The following TENM4 variants were observed in gnomAD, a reference collection of about 807,000 sequenced individuals.
TENM4 encodes teneurin-4.
In TENM4, 82 loss-of-function variants were observed where a neutral mutation model predicts 243.3. That is an observed-to-expected ratio of 0.34 (90% CI 0.28 to 0.40). TENM4 has a LOEUF of 0.40. TENM4 is among the 10% of genes least tolerant of loss of function. The probability of loss-of-function intolerance (pLI) is 1.00; values close to 1 mark genes in which losing one functional copy is unlikely to be tolerated. For synonymous variants in TENM4, 1,412 were observed against 1,456.3 expected, an observed-to-expected ratio of 0.97 and a Z score of 0.69; for missense variants, 3,138 against 3,673.3, an observed-to-expected ratio of 0.85 and a Z score of 3.77.
chr11:79,154,440 C>T (rs1862564738), intron 3 of TENM4, among the ~76,000 whole-genome samples: 1 of 152,164 alleles, frequency 6.6e-6, no homozygotes, highest in African/African-American at 2.4e-5. Flanking sequence ...CTAGGCCCAC[C>T]TCCAACACTG....
chr11:78,966,270 T>A (rs1456568251), intron 6 of TENM4, among the ~76,000 whole-genome samples: 1 of 151,912 alleles, frequency 6.6e-6, no homozygotes, highest in Non-Finnish European at 1.5e-5. Context: ...AAATTAAAAT[T>A]AAAATAAGTA....
intron 3 of TENM4, among the ~76,000 whole-genome samples, chr11:79,178,185 G>C (rs1006891309): frequency 6.6e-6 from 1 of 152,168 alleles, no homozygotes; most frequent in African/African-American, 2.4e-5. Context: ...GTGAAGCAAG[G>C]AATAGAACTA....
At chr11:79,204,945 T>C (rs1863818753) in intron 3 of TENM4, among the ~76,000 whole-genome samples, 1 of 152,188 alleles carries the variant, frequency 6.6e-6, no homozygotes, top group Admixed American at 6.5e-5. Context: ...TTTGAAGATA[T>C]ACCAAACGAT....
intron 2 of TENM4, among the ~76,000 whole-genome samples, chr11:79,258,138 A>G (rs1855731436): frequency 6.6e-6 from 1 of 152,200 alleles, no homozygotes; most frequent in Non-Finnish European, 1.5e-5. Context: ...AGGGTTTTAG[A>G]GTCAGACAAA....
intron 3 of TENM4, among the ~76,000 whole-genome samples, chr11:79,193,477 A>G (rs1187204071): frequency 6.6e-6 from 1 of 152,198 alleles, no homozygotes; most frequent in Non-Finnish European, 1.5e-5. Flanking sequence ...TGGACTGAGA[A>G]TCAGGAGACA....
chr11:79,307,816 T>A (rs1032353624), intron 1 of TENM4, among the ~76,000 whole-genome samples: 2 of 152,104 alleles, frequency 1.3e-5, no homozygotes, highest in East Asian at 1.9e-4. Context: ...ATCTTCCAGG[T>A]GGGGAGGATG....
intron 3 of TENM4, among the ~76,000 whole-genome samples, chr11:79,154,453 G>A (rs541523309): frequency 2.4e-4 from 37 of 152,154 alleles, no homozygotes; most frequent in Non-Finnish European, 4.9e-4. Flanking sequence ...CAACACTGGA[G>A]GTCACATTTC....
chr11:78,696,964 G>T (rs1375795354), intron 28 of TENM4, among the ~76,000 whole-genome samples: 1 of 152,174 alleles, frequency 6.6e-6, no homozygotes, highest in African/African-American at 2.4e-5. Flanking sequence ...CAGATGAAGG[G>T]TGTTGTTCCT....
intron 12 of TENM4, among the ~76,000 whole-genome samples, chr11:78,851,637 C>T (rs1858541841): frequency 6.6e-6 from 1 of 152,152 alleles, no homozygotes; most frequent in Admixed American, 6.5e-5. Flanking sequence ...GCCACGAGAC[C>T]ATGAAGCTGT....
chr11:79,190,366 C>G (rs749441944), intron 3 of TENM4, among the ~76,000 whole-genome samples: 16 of 152,292 alleles, frequency 1.1e-4, no homozygotes, highest in Middle Eastern at 3.4e-3. Context: ...TGAGATCACA[C>G]GTGTAAATAC....
intron 1 of TENM4, among the ~76,000 whole-genome samples, chr11:79,395,568 GC>G (rs1434697206): frequency 6.6e-6 from 1 of 152,152 alleles, no homozygotes; most frequent in Non-Finnish European, 1.5e-5. Context: ...TGACAAATTC[GC>G]CCAAGTTCCA....
rs150571994 is a variant in TENM4, at chr11:78,675,762, A to G, written c.5496+390T>C. ...AACAATAACAATAAGAGTAGCTATT[A>G]TTGACCACTTGCTATGAGCCAGACT... On this transcript the variant is annotated intron_variant, in intron 30 of 33. Coordinates refer to ENST00000278550, the MANE Select transcript of TENM4 (RefSeq NM_001098816.3). Among the ~76,000 whole-genome samples, 1,108 of 152,326 alleles carry G rather than the reference A, an allele frequency of 7.3e-3. 8 individuals carry two copies. The highest frequency in any genetic ancestry group is 0.01 in the Non-Finnish European group (699 of 68,036).
chr11:78,848,922 C>A (rs531407428), intron 12 of TENM4, among the ~76,000 whole-genome samples: 1 of 152,236 alleles, frequency 6.6e-6, no homozygotes, highest in African/African-American at 2.4e-5. Context: ...TTTACAGCAA[C>A]CACCTGGATA....
chr11:79,240,349 A>G (rs1864567083), intron 2 of TENM4, among the ~76,000 whole-genome samples: 1 of 152,160 alleles, frequency 6.6e-6, no homozygotes, highest in African/African-American at 2.4e-5. Context: ...TTATAAGTTT[A>G]TAAGTCCATC....
intron 4 of TENM4, among the ~76,000 whole-genome samples, chr11:79,087,643 ATGTTAGC>A (rs1166618676): frequency 6.6e-6 from 1 of 152,158 alleles, no homozygotes; most frequent in Non-Finnish European, 1.5e-5. Flanking sequence ...GGATCGAGGG[ATGTTAGC>A]TCTGAGCTCT....
chr11:78,707,758 T>A (rs1398110296), intron 27 of TENM4, among the ~76,000 whole-genome samples: 1 of 152,224 alleles, frequency 6.6e-6, no homozygotes, highest in Non-Finnish European at 1.5e-5. Context: ...GGCCAAGCAA[T>A]GCTAGGAGTC....
At chr11:79,207,622 T>G (rs1048197606) in intron 3 of TENM4, among the ~76,000 whole-genome samples, 1 of 151,986 alleles carries the variant, frequency 6.6e-6, no homozygotes, top group African/African-American at 2.4e-5. Context: ...CCCAGCACTT[T>G]GGGAGGCCGA....
At chr11:79,067,752 C>T (rs1565190270) in intron 5 of TENM4, among the ~76,000 whole-genome samples, 2 of 152,180 alleles carry the variant, frequency 1.3e-5, no homozygotes, top group Non-Finnish European at 2.9e-5. Flanking sequence ...TTAAGAAGTC[C>T]TCATGGTTTA....
intron 8 of TENM4, among the ~76,000 whole-genome samples, chr11:78,890,332 C>T (rs140945661): frequency 6.6e-5 from 10 of 152,284 alleles, no homozygotes; most frequent in South Asian, 4.2e-4. Flanking sequence ...TTCCTGGGAA[C>T]GGATGGGGCT....
Sources: allele counts gnomAD v4.1 joint callset (sites outside exome capture counted in the v4.1 genomes callset), GRCh38; gene constraint gnomAD v4.1.1; transcripts MANE v1.5; gene names NCBI Gene and HGNC (gene_info 2026-07-23, HGNC 2026-07-21).